Variants in MYCT1 observed in about 807,000 individuals in gnomAD.
MYCT1 encodes MYC target 1.
Under a neutral mutation model 15.0 loss-of-function variants are expected in MYCT1, and 12 were observed. The ratio of observed to expected loss-of-function variants is 0.80; its 90% CI spans 0.51 to 1.29. The LOEUF (loss-of-function observed/expected upper bound fraction) is 1.29. Among genes scored for constraint, MYCT1 ranks in the 50% most tolerant of loss-of-function variants. MYCT1 has a pLI of 0.00. For missense variants in MYCT1, 287 were observed against 279.1 expected (o/e 1.03, Z -0.20); for synonymous variants, 104 against 102.7 (o/e 1.01, Z -0.07).
the MYCT1 span, among the ~76,000 whole-genome samples, chr6:152,739,347 T>G: frequency 4.0e-5 from 6 of 151,826 alleles, no homozygotes; most frequent in Non-Finnish European, 8.8e-5. Flanking sequence ...TTTTTGTATT[T>G]TTTTTTGCTG....
chr6:152,733,545 G>A, the MYCT1 span, among the ~76,000 whole-genome samples: 3 of 152,180 alleles, frequency 2.0e-5, no homozygotes, highest in Non-Finnish European at 4.4e-5. Flanking sequence ...TTTCCACCTA[G>A]TGAGCTCTGA....
At chr6:152,721,052 T>C (rs1022147751) in intron 1 of MYCT1, among the ~76,000 whole-genome samples, 3 of 152,148 alleles carry the variant, frequency 2.0e-5, no homozygotes, top group Non-Finnish European at 4.4e-5. Flanking sequence ...GACAGGAATT[T>C]CATCATCACA....
chr6:152,699,934 A>G (rs2099721034), intron 1 of MYCT1, among the ~76,000 whole-genome samples: 1 of 152,094 alleles, frequency 6.6e-6, no homozygotes, highest in Admixed American at 6.6e-5. Context: ...TTCTCTTGTT[A>G]TGTGACTGTA....
the MYCT1 span, among the ~76,000 whole-genome samples, chr6:152,746,859 C>T: frequency 6.6e-6 from 1 of 152,158 alleles, no homozygotes; most frequent in African/African-American, 2.4e-5. Flanking sequence ...TTTCTCTAAA[C>T]TCAGCATCAG....
Position 152,722,313 on chromosome 6 carries a change from A to G in MYCT1, c.*60A>G. ...CTTGTCTTTTATTGAAAGGAAATCA[A>G]AAATAGGCTAAACAGAATTTTGAGG... On this transcript the variant is annotated 3_prime_UTR_variant, in exon 2 of 2. Coordinates refer to ENST00000367245, the MANE Select transcript of MYCT1 (RefSeq NM_025107.3). 6.6e-7 allele frequency: 1 copy of G among 1,506,518 alleles called. No individual in the cohort carries two copies. Among genetic ancestry groups the G allele is most frequent in the Non-Finnish European group, 8.8e-7 (1 of 1,130,320 alleles). 93.3% of individuals were successfully genotyped at this position (1,506,518 alleles called of 1,614,324 possible).
the MYCT1 span, among the ~76,000 whole-genome samples, chr6:152,746,609 A>T: frequency 6.6e-6 from 1 of 152,234 alleles, no homozygotes; most frequent in Non-Finnish European, 1.5e-5. Flanking sequence ...TACATAAGAG[A>T]TGACATTGTG....
chr6:152,703,771 C>T (rs1375542477), intron 1 of MYCT1, among the ~76,000 whole-genome samples: 2 of 151,882 alleles, frequency 1.3e-5, no homozygotes, highest in African/African-American at 4.8e-5. Flanking sequence ...TTCCAAATGC[C>T]CCCTCCCAGT....
chr6:152,707,777 G>T (rs2099722554), intron 1 of MYCT1, among the ~76,000 whole-genome samples: 1 of 151,908 alleles, frequency 6.6e-6, no homozygotes, highest in Non-Finnish European at 1.5e-5. Flanking sequence ...GTGCATTTTT[G>T]ATACTGTTGT....
At chr6:152,730,604 C>T in the MYCT1 span, among the ~76,000 whole-genome samples, 2 of 152,060 alleles carry the variant, frequency 1.3e-5, no homozygotes, top group Non-Finnish European at 2.9e-5. Flanking sequence ...TTGGATTTTG[C>T]GAGTGGGAAG....
intron 1 of MYCT1, among the ~76,000 whole-genome samples, chr6:152,716,384 T>A (rs2099723693): frequency 6.6e-6 from 1 of 152,204 alleles, no homozygotes; most frequent in South Asian, 2.1e-4. Context: ...CCTGCTTTGG[T>A]GAACATTGAA....
the MYCT1 span, among the ~76,000 whole-genome samples, chr6:152,745,720 C>T: frequency 6.6e-6 from 1 of 152,060 alleles, no homozygotes; most frequent in African/African-American, 2.4e-5. Context: ...GACATCTGGT[C>T]CCTGGGTGTG....
rs1167771738 is a variant in MYCT1, at chr6:152,724,151, A to G, written c.*1898A>G. The G allele has an allele frequency of 6.6e-6, 1 of 152,078 alleles. No individual in the cohort carries two copies. Among genetic ancestry groups the G allele is most frequent in the Non-Finnish European group, 1.5e-5 (1 of 68,024 alleles). The allele number at this position is 152,078 out of a possible 1,614,324, so 9.4% of individuals were successfully genotyped here. On this transcript the variant is annotated 3_prime_UTR_variant, in exon 2 of 2. Transcript: ENST00000367245. ...GGGAAAAAAGCTAACCGGATAACCA[A>G]TTTGTTATAAGTTGGTTTTCAACAA... is the stretch of plus-strand genomic sequence containing the variant.
intron 1 of MYCT1, among the ~76,000 whole-genome samples, chr6:152,715,230 T>G (rs1033048524): frequency 2.0e-5 from 3 of 152,180 alleles, no homozygotes; most frequent in Non-Finnish European, 4.4e-5. Flanking sequence ...AATATTTTAT[T>G]CTCCATTGTA....
chr6:152,701,746 G>T (rs982229738), intron 1 of MYCT1, among the ~76,000 whole-genome samples: 1 of 152,070 alleles, frequency 6.6e-6, no homozygotes, highest in Non-Finnish European at 1.5e-5. Flanking sequence ...ATAAAATCTG[G>T]CTCACATGAT....
the MYCT1 span, among the ~76,000 whole-genome samples, chr6:152,734,738 G>A: frequency 6.6e-6 from 1 of 152,114 alleles, no homozygotes; most frequent in African/African-American, 2.4e-5. Flanking sequence ...AAGTGGCGTG[G>A]GTCTGGCCTT....
chr6:152,736,591 A>G, the MYCT1 span, among the ~76,000 whole-genome samples: 1 of 152,094 alleles, frequency 6.6e-6, no homozygotes, highest in Non-Finnish European at 1.5e-5. Context: ...TCATGGATGC[A>G]TTTTTCTGAA....
At position 152,722,741 on chromosome 6, in the gene MYCT1, C is replaced by A. The variant is rs953395090; in HGVS notation, c.*488C>A. ...TGACATTTTACAATCTTAGATTTTT[C>A]TTTTTTTTTCTTTTGAGACAGGGTC... On this transcript the variant is annotated 3_prime_UTR_variant, in exon 2 of 2. Transcript: ENST00000367245. The A allele has an allele frequency of 2.5e-6, 1 of 397,270 alleles. No individual in the cohort carries two copies. Among genetic ancestry groups the A allele is most frequent in the Admixed American group, 3.0e-5 (1 of 33,344 alleles). The allele number at this position is 397,270 out of a possible 1,614,324, so 24.6% of individuals were successfully genotyped here. A position where few individuals can be genotyped will look rare whatever the true frequency, so the allele number is the denominator to read the frequency against.
intron 1 of MYCT1, among the ~76,000 whole-genome samples, chr6:152,706,554 A>G (rs1377999581): frequency 6.6e-6 from 1 of 152,114 alleles, no homozygotes; most frequent in Non-Finnish European, 1.5e-5. Context: ...CAAATATCCA[A>G]TTATGTGACA....
At position 152,722,860 on chromosome 6, in the gene MYCT1, C is replaced by T. The variant is rs747174841; in HGVS notation, c.*607C>T. The T allele has an allele frequency of 1.9e-5, 5 of 257,792 alleles. No homozygotes were observed. Among genetic ancestry groups the T allele is most frequent in the Non-Finnish European group, 3.9e-5 (5 of 129,584 alleles). 16.0% of individuals were successfully genotyped at this position (257,792 alleles called of 1,614,324 possible). A position where few individuals can be genotyped will look rare whatever the true frequency, so the allele number is the denominator to read the frequency against. ...CTCAAGTAATCCTCCCATCTTAGTG[C>T]CCCAAGTAGCTGGGACTACAGGGGT... is the stretch of plus-strand genomic sequence containing the variant. On this transcript the variant is annotated 3_prime_UTR_variant, in exon 2 of 2. Coordinates refer to ENST00000367245, the MANE Select transcript of MYCT1 (RefSeq NM_025107.3).
Sources: allele counts gnomAD v4.1 joint callset (sites outside exome capture counted in the v4.1 genomes callset), GRCh38; gene constraint gnomAD v4.1.1; transcripts MANE v1.5; gene names NCBI Gene and HGNC (gene_info 2026-07-23, HGNC 2026-07-21).